IL19: variants seen among roughly 807,000 people sequenced by gnomAD.
IL19 encodes interleukin-19.
In IL19, 15 loss-of-function variants were observed where a neutral mutation model predicts 19.5. The ratio of observed to expected loss-of-function variants is 0.77; its 90% CI spans 0.52 to 1.19. The LOEUF (loss-of-function observed/expected upper bound fraction) is 1.19. IL19 is among the 50% of genes most tolerant of loss of function. The probability of loss-of-function intolerance (pLI) is 0.00; values close to 1 mark genes in which losing one functional copy is unlikely to be tolerated. For synonymous variants in IL19, 78 were observed against 78.3 expected (o/e 1.00, Z 0.02); for missense variants, 199 against 213.1 (o/e 0.93, Z 0.41).
At chr1:206,825,799 G>A (rs1307893057) in intron 2 of IL19, among the ~76,000 whole-genome samples, 1 of 152,228 alleles carries the variant, frequency 6.6e-6, no homozygotes, top group Non-Finnish European at 1.5e-5. Context: ...CTGCACGATT[G>A]TCCCTGCCTT....
chr1:206,810,243 A>G (rs1675966254), intron 2 of IL19, among the ~76,000 whole-genome samples: 1 of 152,204 alleles, frequency 6.6e-6, no homozygotes, highest in Non-Finnish European at 1.5e-5. Flanking sequence ...TATTTATGAG[A>G]CATTCTGGGT....
chr1:206,778,809 C>T, intron 1 of IL19, among the ~76,000 whole-genome samples: 1 of 152,150 alleles, frequency 6.6e-6, no homozygotes, highest in East Asian at 1.9e-4. Flanking sequence ...ATTTGTTGGT[C>T]CCTCCCTCTT....
At chr1:206,804,079 G>C (rs188695844) in intron 2 of IL19, among the ~76,000 whole-genome samples, 14 of 152,304 alleles carry the variant, frequency 9.2e-5, no homozygotes, top group African/African-American at 3.1e-4. Context: ...AGGCTCAGAA[G>C]AGCTTCTTCT....
At chr1:206,804,935 C>T (rs1430158009) in intron 2 of IL19, among the ~76,000 whole-genome samples, 2 of 152,220 alleles carry the variant, frequency 1.3e-5, no homozygotes, top group Non-Finnish European at 2.9e-5. Context: ...CCACCAGACT[C>T]CTTCCTTTCT....
chr1:206,773,989 T>A (rs1558603917), intron 1 of IL19, among the ~76,000 whole-genome samples: 1 of 152,216 alleles, frequency 6.6e-6, no homozygotes, highest in Admixed American at 6.5e-5. Context: ...TGGACCCAGA[T>A]GGAGGGCATT....
At chr1:206,782,824 T>C (rs573814790) in intron 1 of IL19, among the ~76,000 whole-genome samples, 59 of 152,358 alleles carry the variant, frequency 3.9e-4, no homozygotes, top group Non-Finnish European at 6.0e-4. Context: ...AGGCTTATTT[T>C]GGGCTCTGCT....
intron 1 of IL19, among the ~76,000 whole-genome samples, chr1:206,788,573 T>C (rs929427796): frequency 1.3e-5 from 2 of 151,958 alleles, no homozygotes; most frequent in Non-Finnish European, 2.9e-5. Flanking sequence ...TGATTTTTGG[T>C]TACATGGATG....
intron 4 of IL19, among the ~76,000 whole-genome samples, chr1:206,838,673 T>C (rs984289118): frequency 6.6e-6 from 1 of 152,032 alleles, no homozygotes; most frequent in Non-Finnish European, 1.5e-5. Flanking sequence ...CCTCTCAAGG[T>C]TGGGAAGTAG....
chr1:206,836,554 T>C, intron 2 of IL19, 107 bp from the exon 3 acceptor site: 1 of 1,038,086 alleles, frequency 9.6e-7, no homozygotes, highest in Admixed American at 2.4e-5. Context: ...TTTTCTTGTA[T>C]TCCTCCCGGC....
chr1:206,806,863 T>C (rs1206771103), intron 2 of IL19, among the ~76,000 whole-genome samples: 2 of 152,226 alleles, frequency 1.3e-5, no homozygotes, highest in African/African-American at 4.8e-5. Context: ...TCCAATGGTC[T>C]AGTAAACCAG....
intron 2 of IL19, among the ~76,000 whole-genome samples, chr1:206,822,874 C>G (rs1386698573): frequency 6.6e-6 from 1 of 152,024 alleles, no homozygotes; most frequent in East Asian, 1.9e-4. Flanking sequence ...GTGGTTGCAG[C>G]CTTGTGGGGG....
At chr1:206,791,251 G>A (rs554245377) in intron 1 of IL19, among the ~76,000 whole-genome samples, 168 of 151,626 alleles carry the variant, frequency 1.1e-3, no homozygotes, top group African/African-American at 3.0e-3. Context: ...GGATGGAGCT[G>A]GGCAAATTCC....
At chr1:206,840,079 G>A (rs555223187) in intron 5 of IL19, 77 bp downstream of exon 5, 22 of 1,508,058 alleles carry the variant, frequency 1.5e-5, no homozygotes, top group Middle Eastern at 1.7e-4. Flanking sequence ...GGCCCCCATC[G>A]GCCTCCTGAT....
chr1:206,808,423 T>C (rs189224973), intron 2 of IL19, among the ~76,000 whole-genome samples: 77 of 152,216 alleles, frequency 5.1e-4, no homozygotes, highest in Non-Finnish European at 6.9e-4. Flanking sequence ...TAACCGTGCA[T>C]GTAGAGTGAC....
At chr1:206,833,292 A>T (rs1391970397) in intron 2 of IL19, among the ~76,000 whole-genome samples, 1 of 152,236 alleles carries the variant, frequency 6.6e-6, no homozygotes, top group Non-Finnish European at 1.5e-5. Flanking sequence ...GTCATTTAAA[A>T]GTTACTTTCC....
At chr1:206,780,274 G>A (rs532396357) in intron 1 of IL19, among the ~76,000 whole-genome samples, 69 of 152,330 alleles carry the variant, frequency 4.5e-4, no homozygotes, top group African/African-American at 1.6e-3. Flanking sequence ...GGCAGGGCCT[G>A]TATCTGTTTT....
intron 5 of IL19, among the ~76,000 whole-genome samples, chr1:206,840,766 T>A (rs1353931023): frequency 6.6e-6 from 1 of 152,210 alleles, no homozygotes; most frequent in Non-Finnish European, 1.5e-5. Context: ...TGGTGCCTGC[T>A]TTCCTAGTGC....
At chr1:206,832,059 T>C (rs1461294282) in intron 2 of IL19, among the ~76,000 whole-genome samples, 2 of 152,196 alleles carry the variant, frequency 1.3e-5, no homozygotes, top group Non-Finnish European at 2.9e-5. Flanking sequence ...GCTCAGGCCC[T>C]GCTGGGAAAA....
At chr1:206,781,414 C>CAAAAAAAAAAA (rs57060549) in intron 1 of IL19, among the ~76,000 whole-genome samples, 243 of 42,802 alleles carry the variant, frequency 5.7e-3, no homozygotes, top group Non-Finnish European at 7.1e-3. Context: ...GACTCTGTCT[C>CAAAAAAAAAAA]AAAAAAAAAA....
Sources: gnomAD v4.1 joint callset for allele counts (sites outside exome capture counted in the v4.1 genomes callset) on GRCh38, gnomAD v4.1.1 for gene constraint, MANE v1.5 for transcripts, NCBI Gene and HGNC (gene_info 2026-07-23, HGNC 2026-07-21) for gene names.